The following SMPD4 variants were observed in gnomAD, a reference collection of about 807,000 sequenced individuals.
The protein encoded by SMPD4 is sphingomyelin phosphodiesterase 4.
In SMPD4, 58 loss-of-function variants were observed where a neutral mutation model predicts 97.8. That is an observed-to-expected ratio of 0.59 (90% confidence interval 0.48 to 0.74). SMPD4 has a LOEUF of 0.74. Among genes scored for constraint, SMPD4 ranks in the 30% least tolerant of loss-of-function variants. The pLI is 0.00. For synonymous variants in SMPD4, 388 were observed against 450.0 expected (o/e 0.86, Z 1.74); for missense variants, 853 against 1,080.5 (o/e 0.79, Z 2.95).
chr2:130,166,069 C>A (rs1304519270), intron 9 of SMPD4, among the ~76,000 whole-genome samples: 1 of 151,956 alleles, frequency 6.6e-6, no homozygotes, highest in Non-Finnish European at 1.5e-5. Context: ...CGCCTGTAAT[C>A]CCAACACTTT....
chr2:130,175,383 C>T (rs1191246859), intron 2 of SMPD4, among the ~76,000 whole-genome samples: 1 of 152,086 alleles, frequency 6.6e-6, no homozygotes, highest in Non-Finnish European at 1.5e-5. Flanking sequence ...TGAGTTTGTA[C>T]GCATCAACTG....
chr2:130,172,141 G>A (rs1688530352), intron 8 of SMPD4, among the ~76,000 whole-genome samples: 1 of 152,212 alleles, frequency 6.6e-6, no homozygotes, highest in Admixed American at 6.5e-5. Context: ...TAGCTTCAGT[G>A]ATGGCCAAAG....
chr2:130,181,352 G>A (rs1689601249), intron 1 of SMPD4, 178 bp downstream of exon 1: 16 of 1,440,072 alleles, frequency 1.1e-5, no homozygotes, highest in Non-Finnish European at 1.4e-5. Context: ...GCATGGCCCA[G>A]AGGGGTGGCA....
chr2:130,162,294 C>T (rs961852982), intron 10 of SMPD4, among the ~76,000 whole-genome samples: 7 of 152,244 alleles, frequency 4.6e-5, no homozygotes, highest in African/African-American at 1.7e-4. Flanking sequence ...CAGCCCAGTG[C>T]AGCCACAGCC....
intron 1 of SMPD4, 103 bp from the exon 2 acceptor site, chr2:130,176,740 T>C (rs1305670253): frequency 1.1e-6 from 1 of 911,454 alleles, no homozygotes; most frequent in Non-Finnish European, 1.7e-6. Flanking sequence ...CAGGCTGGCA[T>C]GCAGCAGCAC....
Position 130,156,055 on chromosome 2 carries a change from G to A in SMPD4, c.1269C>T (p.Pro423=), listed in dbSNP as rs749476752. ...DKQAPGSDSQ[P]RCVSEKWAPF... is the part of the protein sequence containing the mutation. Reference sequence around the variant, plus strand: ...CTCACCATTTCTCCGACACACACCGGGGCTGGGAGTCGCTGCCCGGAGCCT... The same window carrying A: ...CTCACCATTTCTCCGACACACACCGAGGCTGGGAGTCGCTGCCCGGAGCCT... Residue 423 remains proline, a synonymous_variant, in exon 14 of 20, where the codon CCC becomes CCT. Transcript: ENST00000680298. The A allele has an allele frequency of 8.7e-6, 14 of 1,611,362 alleles. No homozygotes were observed. The highest frequency in any genetic ancestry group is 3.3e-5 in the Admixed American group (2 of 60,004).
intron 3 of SMPD4, 53 bp from the exon 4 acceptor site, chr2:130,173,709 C>T (rs1378410865): frequency 8.7e-6 from 14 of 1,608,552 alleles, no homozygotes; most frequent in Middle Eastern, 1.8e-4. Flanking sequence ...ACTCCTGCCC[C>T]GGCTCTAGTC....
intron 8 of SMPD4, among the ~76,000 whole-genome samples, chr2:130,168,716 ATTTTTTT>A (rs915101871): frequency 8.3e-5 from 11 of 132,872 alleles, no homozygotes; most frequent in Admixed American, 2.3e-4. Context: ...GGCACTATTA[ATTTTTTT>A]TTTTTTTTTT....
chr2:130,153,899 G>C lies in SMPD4; in HGVS notation c.1696C>G (p.His566Asp). Residue 566 changes from histidine (H) to aspartate (D), a missense_variant, in exon 17 of 20, where the codon CAC becomes GAC. His to Asp is a moderately conservative substitution (Grantham distance 81). Transcript: ENST00000680298. ...TGGTCGGAGATGGACTTGGCTGTGT[G>C]TTTGGCCTGTGTGATGAGCTGAGCG... ...RLAQLITQAK[H>D]TAKSISDQCA... The C allele has an allele frequency of 6.2e-7, 1 of 1,613,856 alleles. No homozygotes were observed. Among genetic ancestry groups the C allele is most frequent in the East Asian group, 2.2e-5 (1 of 44,880 alleles).
In SMPD4 at chr2:130,152,656, C is replaced by T. The variant is rs536058874; in HGVS notation, c.2383G>A (p.Val795Ile). 2.1e-5 allele frequency: 33 copies of T among 1,563,632 alleles called. No individual in the cohort carries two copies. Among genetic ancestry groups the T allele is most frequent in the Middle Eastern group, 1.9e-4 (1 of 5,190 alleles). The change falls in exon 20 of 20, where the codon GTC becomes ATC. Residue 795 changes from valine to isoleucine, a missense_variant. Physicochemically the swap from Val to Ile is conservative, Grantham distance 29. Around this residue, in one of 3 missense-constraint regions of SMPD4, gnomAD observed 511 missense variants for 608.1 expected, o/e 0.84. Coordinates refer to ENST00000680298, the MANE Select transcript of SMPD4 (RefSeq NM_017951.5). ...LAFFVASLFC[V>I]GPLPCTLLLT... ...AGCAGCGTGCATGGGAGGGGCCCGACGCAGAACAGAGAGGCCACGAAGAAG... is the reference window on the plus strand; with the variant it reads ...AGCAGCGTGCATGGGAGGGGCCCGATGCAGAACAGAGAGGCCACGAAGAAG...
rs1329311118 is a variant in SMPD4 at position 130,167,589 on chromosome 2, T to C, written c.661A>G (p.Thr221Ala). The change falls in exon 9 of 20, where the codon ACA becomes GCA. Residue 221 changes from threonine to alanine, a missense_variant and splice_region_variant. Thr to Ala is a moderately conservative substitution (Grantham distance 58, BLOSUM62 0). This residue lies in a region of SMPD4 where 313 missense variants were observed against 402.2 expected (regional missense o/e 0.78). Transcript: ENST00000680298. ...GGTSPSPPPR[T>A]PAIPFASYGL... Reference sequence around the variant, plus strand: ...TAGGAAGCAAAGGGTATGGCTGGTGTCCTGAGGGAGACACAGAAACAGGCC... The same window carrying C: ...TAGGAAGCAAAGGGTATGGCTGGTGCCCTGAGGGAGACACAGAAACAGGCC... The C allele has an allele frequency of 2.5e-6, 4 of 1,600,814 alleles. No individual in the cohort carries two copies. The African/African-American group carries it at 4.0e-5, about 16-fold the overall frequency.
Position 130,177,913 on chromosome 2 carries a change from TTCAA to T in SMPD4, c.-45-1280_-45-1277del, listed in dbSNP as rs539570876. ...GCCCAAGATTCCCGACCCCTGTTTG[TTCAA>T]TCAAATACTCATCTAGGTACTGCTA... On this transcript the variant is annotated intron_variant, in intron 1 of 19. Coordinates refer to ENST00000680298, the MANE Select transcript of SMPD4 (RefSeq NM_017951.5). Among the ~76,000 whole-genome samples, 210 of 152,294 alleles carry T rather than the reference TTCAA, an allele frequency of 1.4e-3. 1 individual carries two copies. The highest frequency in any genetic ancestry group is 4.9e-3 in the African/African-American group (203 of 41,558).
chr2:130,163,061 T>C (rs1407553206), intron 10 of SMPD4, among the ~76,000 whole-genome samples: 2 of 152,200 alleles, frequency 1.3e-5, no homozygotes, highest in African/African-American at 4.8e-5. Flanking sequence ...CTCTTGAAAG[T>C]AGGTGTGCTT....
upstream of SMPD4, chr2:130,181,706 G>A: frequency 6.5e-7 from 1 of 1,548,514 alleles, no homozygotes; most frequent in Non-Finnish European, 8.7e-7. Context: ...GGCCGGCCGG[G>A]CGGGGAAGAG....
intron 8 of SMPD4, among the ~76,000 whole-genome samples, chr2:130,169,030 T>C (rs1319274432): frequency 6.6e-6 from 1 of 152,200 alleles, no homozygotes; most frequent in African/African-American, 2.4e-5. Context: ...CTCATTACTA[T>C]TTAACCTGGG....
chr2:130,181,279 C>G, intron 1 of SMPD4: 1 of 1,391,398 alleles, frequency 7.2e-7, no homozygotes, highest in Non-Finnish European at 9.3e-7. Context: ...GAAGGTTAAC[C>G]TTCAGCGAAC....
intron 13 of SMPD4, 144 bp from the exon 14 acceptor site, chr2:130,156,279 T>C (rs1394550982): frequency 2.6e-6 from 2 of 767,756 alleles, no homozygotes; most frequent in Non-Finnish European, 4.2e-6. Context: ...CACAGCCCTG[T>C]GAGGTTTGGC....
intron 15 of SMPD4, chr2:130,154,692 C>T (rs1686590065): frequency 3.2e-6 from 2 of 629,012 alleles, no homozygotes; most frequent in South Asian, 3.6e-5. Context: ...GAGCCCCTAG[C>T]AGTGTCTGCA....
rs1686389227 is a variant in SMPD4 at position 130,153,049 on chromosome 2, G to A, written c.2148C>T (p.Asn716=). 2 of 1,611,322 alleles carry A rather than the reference G, an allele frequency of 1.2e-6. No homozygotes were observed. Among genetic ancestry groups the A allele is most frequent in the Non-Finnish European group, 1.7e-6 (2 of 1,179,608 alleles). Residue 716 remains asparagine (N), a synonymous_variant, in exon 19 of 20, where the codon AAC becomes AAT. Transcript: ENST00000680298. ...AGCCCTCCTGCCCACTCACTCTGTGGTTGATGGCAGACGACAGCCTAAAGA... is the reference window on the plus strand; with the variant it reads ...AGCCCTCCTGCCCACTCACTCTGTGATTGATGGCAGACGACAGCCTAAAGA... ...RTLFRLSSAI[N]HRFAGQMAAL... is the part of the protein sequence containing the mutation.
Sources: gnomAD v4.1 joint callset for allele counts (sites outside exome capture counted in the v4.1 genomes callset) on GRCh38, gnomAD v4.1.1 for gene constraint, gnomAD v4.1.1 regional missense constraint, MANE v1.5 for transcripts, NCBI Gene and HGNC (gene_info 2026-07-23, HGNC 2026-07-21) for gene names.